Variants in PEBP4 observed in about 807,000 individuals in gnomAD.
PEBP4 encodes the protein phosphatidylethanolamine binding protein 4, also known as phosphatidylethanolamine-binding protein 4.
PEBP4 carries 22 observed loss-of-function variants against 23.9 expected under a neutral mutation model. The ratio of observed to expected loss-of-function variants is 0.92; its 90% CI spans 0.66 to 1.31. The LOEUF (loss-of-function observed/expected upper bound fraction) is 1.31, where lower values mean the gene tolerates loss of function less well. Ranked by LOEUF, PEBP4 falls within the 40% of genes most tolerant of loss-of-function variation. The probability of loss-of-function intolerance (pLI) is 0.00; values close to 1 mark genes in which losing one functional copy is unlikely to be tolerated. For synonymous variants in PEBP4, 112 were observed against 99.3 expected (o/e 1.13, Z -0.76); for missense variants, 324 against 281.7 (o/e 1.15, Z -1.07).
At chr8:22,723,824 C>T (rs1001689226) in intron 6 of PEBP4, among the ~76,000 whole-genome samples, 3 of 152,210 alleles carry the variant, frequency 2.0e-5, no homozygotes, top group East Asian at 1.9e-4. Flanking sequence ...CTGCTCGGCA[C>T]ATCTGAAGGG....
chr8:22,808,253 C>A (rs1383498061), intron 4 of PEBP4, among the ~76,000 whole-genome samples: 1 of 151,498 alleles, frequency 6.6e-6, no homozygotes, highest in Admixed American at 6.6e-5. Context: ...CCATCCATCC[C>A]TCCATCTATC....
Position 22,909,226 on chromosome 8 carries a change from G to A in PEBP4, c.258+10958C>T, listed in dbSNP as rs527581936. On this transcript the variant is annotated intron_variant, in intron 3 of 6. Transcript: ENST00000256404. ...GATAGAGGGCGATCTCCGCCTACCC[G>A]CCAGCGAGGCCTGGGGAGCCACACC... is the stretch of plus-strand genomic sequence containing the variant. 1.7e-4 allele frequency among the ~76,000 whole-genome samples: 26 copies of A among 152,254 alleles called. No homozygotes were observed. The South Asian group carries it at 3.1e-3, about 18-fold the overall frequency.
intron 3 of PEBP4, among the ~76,000 whole-genome samples, chr8:22,882,973 C>A (rs1474193297): frequency 6.6e-6 from 1 of 152,198 alleles, no homozygotes; most frequent in South Asian, 2.1e-4. Context: ...TCCCTAGTTC[C>A]CTCTGCCTCC....
At chr8:22,803,430 G>C (rs1806430287) in intron 4 of PEBP4, among the ~76,000 whole-genome samples, 1 of 152,116 alleles carries the variant, frequency 6.6e-6, no homozygotes, top group Non-Finnish European at 1.5e-5. Context: ...CACTTTGGGA[G>C]GCTGAGGTGA....
chr8:22,897,772 C>T (rs925764959), intron 3 of PEBP4: 3 of 152,196 alleles, frequency 2.0e-5, no homozygotes, highest in Non-Finnish European at 4.4e-5. Flanking sequence ...CCTGCTCTTC[C>T]CTCAGCCTTT....
intron 4 of PEBP4, chr8:22,757,330 A>C (rs1435645802): frequency 6.6e-6 from 1 of 152,248 alleles, no homozygotes; most frequent in Non-Finnish European, 1.5e-5. Context: ...TTCCCATGAC[A>C]TTCCCACGAC....
intron 4 of PEBP4, among the ~76,000 whole-genome samples, chr8:22,785,878 C>T (rs572455756): frequency 6.6e-6 from 1 of 152,222 alleles, no homozygotes; most frequent in Non-Finnish European, 1.5e-5. Flanking sequence ...CGGGGCTACT[C>T]TAAAGAATGC....
At chr8:22,808,237 A>C (rs1252616041) in intron 4 of PEBP4, among the ~76,000 whole-genome samples, 1 of 151,202 alleles carries the variant, frequency 6.6e-6, no homozygotes, top group African/African-American at 2.4e-5. Flanking sequence ...CTAGCCATCC[A>C]TCCATCCATC....
intron 4 of PEBP4, among the ~76,000 whole-genome samples, chr8:22,728,514 T>C (rs1804662189): frequency 1.3e-5 from 2 of 152,112 alleles, no homozygotes. Context: ...CCTTCCTTCA[T>C]TCCTTGCTGG....
intron 4 of PEBP4, chr8:22,747,697 AG>A (rs1264864445): frequency 6.6e-6 from 1 of 152,146 alleles, no homozygotes; most frequent in African/African-American, 2.4e-5. Flanking sequence ...GACTAGGAAA[AG>A]GCTTAAAGAA....
chr8:22,940,186 G>A (rs1278548119), intron 1 of PEBP4, among the ~76,000 whole-genome samples: 4 of 152,326 alleles, frequency 2.6e-5, no homozygotes, highest in South Asian at 4.1e-4. Flanking sequence ...AGGATGGGAG[G>A]AAATGGGGAT....
At chr8:22,845,369 C>CAAA (rs34601804) in intron 3 of PEBP4, among the ~76,000 whole-genome samples, 31 of 133,016 alleles carry the variant, frequency 2.3e-4, no homozygotes, top group African/African-American at 8.3e-4. Context: ...CGCATCTCTA[C>CAAA]AAAAAAAAAA....
intron 4 of PEBP4, among the ~76,000 whole-genome samples, chr8:22,805,603 G>A (rs1336689640): frequency 6.6e-6 from 1 of 152,192 alleles, no homozygotes; most frequent in East Asian, 1.9e-4. Flanking sequence ...TGGGACTACA[G>A]GCATGAGCCA....
At chr8:22,720,700 C>A (rs909631268) in intron 6 of PEBP4, among the ~76,000 whole-genome samples, 2 of 152,110 alleles carry the variant, frequency 1.3e-5, no homozygotes, top group Non-Finnish European at 2.9e-5. Flanking sequence ...TCAGAGGCAC[C>A]AGTTAAGGCT....
chr8:22,807,966 C>T (rs1384658976), intron 4 of PEBP4, among the ~76,000 whole-genome samples: 3 of 151,704 alleles, frequency 2.0e-5, no homozygotes, highest in East Asian at 2.0e-4. Flanking sequence ...TTCATCCATC[C>T]GTCTATCCAC....
chr8:22,904,240 G>T (rs1486302849), intron 3 of PEBP4, among the ~76,000 whole-genome samples: 1 of 152,164 alleles, frequency 6.6e-6, no homozygotes, highest in Non-Finnish European at 1.5e-5. Context: ...GGACCCCAGG[G>T]CTCTCCGTAC....
intron 3 of PEBP4, among the ~76,000 whole-genome samples, chr8:22,838,449 C>T (rs536936615): frequency 2.0e-4 from 30 of 152,284 alleles, no homozygotes; most frequent in African/African-American, 7.2e-4. Context: ...TGCTAAGGAG[C>T]CTGCACCTTG....
intron 3 of PEBP4, among the ~76,000 whole-genome samples, chr8:22,889,497 A>G (rs1210249715): frequency 6.6e-6 from 1 of 152,172 alleles, no homozygotes; most frequent in East Asian, 1.9e-4. Context: ...TGGGAGAGAA[A>G]AATTAAAGGC....
intron 6 of PEBP4, among the ~76,000 whole-genome samples, chr8:22,718,611 G>T (rs146964406): frequency 6.6e-6 from 1 of 152,188 alleles, no homozygotes; most frequent in Admixed American, 6.5e-5. Context: ...AGTTCTACCC[G>T]CTCGGCCAGG....
Sources: allele counts gnomAD v4.1 joint callset (sites outside exome capture counted in the v4.1 genomes callset), GRCh38; gene constraint gnomAD v4.1.1; transcripts MANE v1.5; gene names NCBI Gene and HGNC (gene_info 2026-07-23, HGNC 2026-07-21).